Variants in DNAJC18 observed in about 807,000 individuals in gnomAD.
DNAJC18 encodes dnaJ homolog subfamily C member 18.
Under a neutral mutation model 48.6 loss-of-function variants are expected in DNAJC18, and 40 were observed. The ratio of observed to expected loss-of-function variants is 0.82; its 90% CI spans 0.64 to 1.07. DNAJC18 has a LOEUF of 1.07. Ranked by LOEUF, DNAJC18 falls within the 50% of genes least tolerant of loss-of-function variation. The pLI is 0.00. For missense variants in DNAJC18, 340 were observed against 427.7 expected (o/e 0.79, Z 1.81); for synonymous variants, 135 against 152.2 (o/e 0.89, Z 0.83).
chr5:139,414,335 T>A, intron 7 of DNAJC18, 63 bp from the exon 8 acceptor site: 1 of 1,542,236 alleles, frequency 6.5e-7, no homozygotes, highest in Non-Finnish European at 8.7e-7. Context: ...ATTTCAATGT[T>A]TCTGGAGTCA....
chr5:139,434,733 T>C (rs953470300), intron 2 of DNAJC18, among the ~76,000 whole-genome samples: 2 of 144,034 alleles, frequency 1.4e-5, no homozygotes, highest in Non-Finnish European at 3.1e-5. Flanking sequence ...ACTTGTTTAT[T>C]AGTTCTAACA....
intron 7 of DNAJC18, chr5:139,418,938 T>C (rs1759108846): frequency 9.0e-6 from 4 of 443,706 alleles, no homozygotes; most frequent in South Asian, 6.3e-5. Flanking sequence ...GTGTGATTGG[T>C]ACTATGTTAG....
intron 7 of DNAJC18, among the ~76,000 whole-genome samples, chr5:139,417,192 A>G (rs894952290): frequency 2.4e-4 from 37 of 152,004 alleles, no homozygotes; most frequent in African/African-American, 8.9e-4. Context: ...TCTGTCAAAA[A>G]AAAAAAAAAA....
intron 6 of DNAJC18, among the ~76,000 whole-genome samples, chr5:139,420,651 C>G (rs1164395431): frequency 2.6e-5 from 4 of 150,988 alleles, no homozygotes; most frequent in African/African-American, 9.8e-5. Context: ...TAGCTCACAC[C>G]AACCTAGAAG....
At chr5:139,434,418 G>T (rs1750594978) in intron 2 of DNAJC18, among the ~76,000 whole-genome samples, 3 of 152,014 alleles carry the variant, frequency 2.0e-5, no homozygotes, top group Admixed American at 2.0e-4. Context: ...CGAACTCCTG[G>T]GCTCAAGGGA....
intron 1 of DNAJC18, 127 bp from the exon 2 acceptor site, chr5:139,437,685 C>A: frequency 9.2e-7 from 1 of 1,090,366 alleles, no homozygotes; most frequent in South Asian, 1.8e-5. Flanking sequence ...GGGCTAGAGG[C>A]GTCATGCTGA....
Position 139,411,353 on chromosome 5 carries a change from A to G in DNAJC18, c.*2795T>C, listed in dbSNP as rs1053252634. On this transcript the variant is annotated 3_prime_UTR_variant, in exon 8 of 8. Transcript: ENST00000302060. Reference sequence around the variant, plus strand: ...AGTTTCTGCTTGAGCCTCAAGCCCTATTTCTGAGCGCTGCTCCTCTCACAC... The same window carrying G: ...AGTTTCTGCTTGAGCCTCAAGCCCTGTTTCTGAGCGCTGCTCCTCTCACAC... The G allele has an allele frequency of 6.6e-6, 1 of 152,116 alleles. No homozygotes were observed. The highest frequency in any genetic ancestry group is 2.4e-5 in the African/African-American group (1 of 41,410). The allele number at this position is 152,116 out of a possible 1,614,324, so 9.4% of individuals were successfully genotyped here.
chr5:139,418,037 G>A (rs558561697), intron 7 of DNAJC18, among the ~76,000 whole-genome samples: 49 of 152,296 alleles, frequency 3.2e-4, no homozygotes, highest in African/African-American at 1.1e-3. Flanking sequence ...TGGGGCAGGC[G>A]GGTGTTTGAA....
intron 7 of DNAJC18, chr5:139,419,134 T>C (rs1224144030): frequency 6.6e-6 from 3 of 451,304 alleles, no homozygotes; most frequent in African/African-American, 6.0e-5. Flanking sequence ...GAATTTGCTT[T>C]TTAAACATGA....
chr5:139,414,462 C>T (rs1224079234), intron 7 of DNAJC18, among the ~76,000 whole-genome samples, 190 bp from the exon 8 acceptor site: 1 of 152,226 alleles, frequency 6.6e-6, no homozygotes, highest in Non-Finnish European at 1.5e-5. Flanking sequence ...TTAAAGGGCA[C>T]CTGTGACCCT....
At chr5:139,423,336 T>C (rs910474344) in intron 5 of DNAJC18, among the ~76,000 whole-genome samples, 1 of 151,960 alleles carries the variant, frequency 6.6e-6, no homozygotes, top group Non-Finnish European at 1.5e-5. Context: ...CTAGAACTTT[T>C]TGAGTACCAG....
intron 2 of DNAJC18, among the ~76,000 whole-genome samples, chr5:139,436,511 CTT>C (rs1431493487): frequency 1.5e-5 from 2 of 130,556 alleles, no homozygotes; most frequent in Non-Finnish European, 3.2e-5. Flanking sequence ...GGATATCCCT[CTT>C]TCTTTTTTTT....
chr5:139,436,977 T>A (rs1387930181), intron 2 of DNAJC18, among the ~76,000 whole-genome samples: 1 of 152,222 alleles, frequency 6.6e-6, no homozygotes, highest in African/African-American at 2.4e-5. Context: ...AATTTCCCTT[T>A]GTTTTTGATT....
In DNAJC18 at chr5:139,411,803, C is replaced by T. The variant is rs1759000164; in HGVS notation, c.*2345G>A. 6.6e-6 allele frequency: 1 copy of T among 152,198 alleles called. No individual in the cohort carries two copies. Among genetic ancestry groups the T allele is most frequent in the Non-Finnish European group, 1.5e-5 (1 of 68,036 alleles). 9.4% of individuals were successfully genotyped at this position (152,198 alleles called of 1,614,324 possible). ...GCCATGAAGTCCATAAAATGTGTGA[C>T]TACCTGATTCCTGGGCATCTAGGAC... is the stretch of plus-strand genomic sequence containing the variant. On this transcript the variant is annotated 3_prime_UTR_variant, in exon 8 of 8. Coordinates refer to ENST00000302060, the MANE Select transcript of DNAJC18 (RefSeq NM_152686.4).
intron 3 of DNAJC18, 119 bp downstream of exon 3, chr5:139,428,419 G>A: frequency 7.6e-7 from 1 of 1,313,256 alleles, no homozygotes; most frequent in South Asian, 1.5e-5. Flanking sequence ...TTTAAGAGGT[G>A]TGGCAGGGGG....
At chr5:139,432,011 A>T (rs1476773707) in intron 2 of DNAJC18, among the ~76,000 whole-genome samples, 1 of 152,180 alleles carries the variant, frequency 6.6e-6, no homozygotes, top group Non-Finnish European at 1.5e-5. Context: ...ATATAGGAGG[A>T]ATGCCTATTC....
intron 1 of DNAJC18, among the ~76,000 whole-genome samples, chr5:139,438,247 C>T (rs1269557123): frequency 1.3e-5 from 2 of 149,586 alleles, no homozygotes; most frequent in Non-Finnish European, 3.0e-5. Context: ...ACCCGGGAGG[C>T]GGAGGTTGCA....
rs1009752305 is a variant in DNAJC18, at chr5:139,411,624, G to A, written c.*2524C>T. The A allele has an allele frequency of 6.6e-6, 1 of 152,200 alleles. No homozygotes were observed. The highest frequency in any genetic ancestry group is 1.5e-5 in the Non-Finnish European group (1 of 68,036). The allele number at this position is 152,200 out of a possible 1,614,324, so 9.4% of individuals were successfully genotyped here. ...AATCCTTCAACCAAAAGCAAATACG[G>A]TTCCCTTGAGGAAAAACAGATGTGA... is the stretch of plus-strand genomic sequence containing the variant. On this transcript the variant is annotated 3_prime_UTR_variant, in exon 8 of 8. Coordinates refer to ENST00000302060, the MANE Select transcript of DNAJC18 (RefSeq NM_152686.4).
At chr5:139,423,480 C>T (rs1759185822) in intron 5 of DNAJC18, among the ~76,000 whole-genome samples, 1 of 151,646 alleles carries the variant, frequency 6.6e-6, no homozygotes. Context: ...GCCTTGACCT[C>T]CTGGGTTCTG....
Sources: gnomAD v4.1 joint callset for allele counts (sites outside exome capture counted in the v4.1 genomes callset) on GRCh38, gnomAD v4.1.1 for gene constraint, MANE v1.5 for transcripts, NCBI Gene and HGNC (gene_info 2026-07-23, HGNC 2026-07-21) for gene names.